The following TGM2 variants were observed in gnomAD, a reference collection of about 807,000 sequenced individuals.
The protein encoded by TGM2 is transglutaminase 2, also known as protein-glutamine gamma-glutamyltransferase 2.
A neutral mutation model predicts 75.6 loss-of-function variants in TGM2; 53 were observed. That is an observed-to-expected ratio of 0.70 (90% CI 0.56 to 0.88). The LOEUF is 0.88. Ranked by LOEUF, TGM2 falls within the 40% of genes least tolerant of loss-of-function variation. The pLI, the probability that TGM2 is intolerant of heterozygous loss-of-function variation, is 0.00. For missense variants in TGM2, 842 were observed against 928.5 expected (o/e 0.91, Z 1.21); for synonymous variants, 374 against 381.1 (o/e 0.98, Z 0.22).
rs1306158388 is a variant in TGM2 at position 38,130,087 on chromosome 20, C to T, written c.*132G>A. On this transcript the variant is annotated 3_prime_UTR_variant, in exon 13 of 13. Coordinates refer to ENST00000361475, the MANE Select transcript of TGM2 (RefSeq NM_004613.4). ...GATGGGCCAGGGGCACATTCCATTTCCGAGAGCCCCCATAGGCTGCCCACC... is the reference window on the plus strand; with the variant it reads ...GATGGGCCAGGGGCACATTCCATTTTCGAGAGCCCCCATAGGCTGCCCACC... 1.6e-6 allele frequency: 2 copies of T among 1,248,270 alleles called. No individual in the cohort carries two copies. The highest frequency in any genetic ancestry group is 2.2e-6 in the Non-Finnish European group (2 of 897,342). 77.3% of individuals were successfully genotyped at this position (1,248,270 alleles called of 1,614,324 possible). A position where few individuals can be genotyped will look rare whatever the true frequency, so the allele number is the denominator to read the frequency against.
chr20:38,156,251 TC>T (rs2075185998), intron 2 of TGM2, among the ~76,000 whole-genome samples, 162 bp from the exon 3 acceptor site: 1 of 152,236 alleles, frequency 6.6e-6, no homozygotes, highest in African/African-American at 2.4e-5. Flanking sequence ...AGTTTCCTCA[TC>T]TGTAAAGGGG....
At chr20:38,148,905 C>T (rs531477118) in intron 4 of TGM2, among the ~76,000 whole-genome samples, 3 of 152,316 alleles carry the variant, frequency 2.0e-5, no homozygotes, top group South Asian at 4.1e-4. Flanking sequence ...TCTGTCTGCT[C>T]TTTTCCCCCC....
At chr20:38,163,199 C>T (rs568102043) in intron 1 of TGM2, among the ~76,000 whole-genome samples, 18 of 152,226 alleles carry the variant, frequency 1.2e-4, no homozygotes, top group African/African-American at 4.3e-4. Context: ...TAAACCTTGG[C>T]AAGCTCAAGG....
At chr20:38,158,685 G>C (rs2075217136) in intron 2 of TGM2, among the ~76,000 whole-genome samples, 1 of 152,190 alleles carries the variant, frequency 6.6e-6, no homozygotes, top group African/African-American at 2.4e-5. Context: ...GTCTCAAACT[G>C]TCTGGGTGAA....
intron 6 of TGM2, chr20:38,146,448 G>A (rs45499198): frequency 0.15 from 81,131 of 547,004 alleles, 7,443 homozygotes; most frequent in East Asian, 0.37. Flanking sequence ...AAAATCCTGA[G>A]TTTTTGAGAA....
Position 38,130,377 on chromosome 20 carries a change from G to A in TGM2, c.1914-8C>T, listed in dbSNP as rs1384109748. 3.2e-6 allele frequency: 5 copies of A among 1,580,452 alleles called. No homozygotes were observed. The highest frequency in any genetic ancestry group is 2.3e-5 in the East Asian group (1 of 43,512). On this transcript the variant is annotated splice_region_variant and splice_polypyrimidine_tract_variant and intron_variant, in intron 12 of 12. Coordinates refer to ENST00000361475, the MANE Select transcript of TGM2 (RefSeq NM_004613.4). ...GCCTCCACGGGGTCTGGGCTGCAGG[G>A]AGAGAGGGGGTGGTGAGGAAAGGGG...
At position 38,142,071 on chromosome 20, in the gene TGM2, T is replaced by C. The variant is rs1369894417; in HGVS notation, c.988A>G (p.Met330Val). The C allele has an allele frequency of 6.2e-7, 1 of 1,613,980 alleles. No homozygotes were observed. Among genetic ancestry groups the C allele is most frequent in the African/African-American group, 1.3e-5 (1 of 74,900 alleles). The change falls in exon 7 of 13, where the codon ATG (methionine) becomes GTG (valine). Residue 330 changes from methionine to valine, a missense_variant. Physicochemically the swap from Met to Val is conservative, Grantham distance 21 (BLOSUM62 1). Transcript: ENST00000361475. ...FGEIQGDKSEMIWNFHCWVES... is the reference protein window; with the variant it reads ...FGEIQGDKSEVIWNFHCWVES... ...CCCTGGCCCCCACCTCACCAGATCA[T>C]CTCGCTCTTGTCACCCTGGATCTCC...
At chr20:38,155,189 G>A (rs1434944579) in intron 3 of TGM2, among the ~76,000 whole-genome samples, 1 of 152,142 alleles carries the variant, frequency 6.6e-6, no homozygotes, top group Non-Finnish European at 1.5e-5. Flanking sequence ...CTGGGCCTAG[G>A]CATCAGCTGG....
At chr20:38,164,705 AG>A (rs2075291946) in intron 1 of TGM2, among the ~76,000 whole-genome samples, 1 of 152,140 alleles carries the variant, frequency 6.6e-6, no homozygotes, top group Admixed American at 6.5e-5. Flanking sequence ...TGATTTCCGA[AG>A]GCTCCTGGAT....
In TGM2 at chr20:38,139,541, T is replaced by C. The variant is rs1338710125; in HGVS notation, c.1213A>G (p.Ile405Val). The C allele has an allele frequency of 6.2e-7, 1 of 1,614,024 alleles. No individual in the cohort carries two copies. The highest frequency in any genetic ancestry group is 8.5e-7 in the Non-Finnish European group (1 of 1,180,044). Reference sequence around the variant, plus strand: ...TGCACAGACCCATCGTCCTGCTGGATCCAGTCTACCACGTCGGCATTGACC... The same window carrying C: ...TGCACAGACCCATCGTCCTGCTGGACCCAGTCTACCACGTCGGCATTGACC... The part of the protein sequence containing the change: ...AEVNADVVDW[I>V]QQDDGSVHKS... Residue 405 changes from isoleucine to valine, a missense_variant, in exon 9 of 13, where the codon ATC becomes GTC. By Grantham distance (29) the Ile-to-Val change is conservative. Transcript: ENST00000361475.
chr20:38,164,438 G>A (rs959032751), intron 1 of TGM2, among the ~76,000 whole-genome samples: 2 of 152,150 alleles, frequency 1.3e-5, no homozygotes, highest in African/African-American at 4.8e-5. Context: ...TTGTGTGTGG[G>A]GAGGGAGTCA....
chr20:38,135,462 G>C (rs1351366910), intron 10 of TGM2, among the ~76,000 whole-genome samples: 1 of 144,106 alleles, frequency 6.9e-6, no homozygotes, highest in Non-Finnish European at 1.5e-5. Flanking sequence ...GGCTGGAAGG[G>C]CTCTTAAAAG....
intron 10 of TGM2, among the ~76,000 whole-genome samples, chr20:38,136,347 C>T (rs2074900347): frequency 6.6e-6 from 1 of 152,180 alleles, no homozygotes; most frequent in Non-Finnish European, 1.5e-5. Flanking sequence ...AGGAGAGGGA[C>T]GACCACTGGT....
Position 38,130,202 on chromosome 20 carries a change from C to T in TGM2, c.*17G>A, listed in dbSNP as rs1318226467. The stretch of plus-strand genomic sequence containing the variant: ...GATCAAGGTGGGGGCTCTCAGCAGG[C>T]TGGGAGCAGGGGTCCCTTAGGCGGG... On this transcript the variant is annotated 3_prime_UTR_variant, in exon 13 of 13. Transcript: ENST00000361475. 1 of 1,612,980 alleles carries T rather than the reference C, an allele frequency of 6.2e-7. No homozygotes were observed. The highest frequency in any genetic ancestry group is 8.5e-7 in the Non-Finnish European group (1 of 1,179,830).
At chr20:38,137,151 T>C (rs2074909969) in intron 10 of TGM2, among the ~76,000 whole-genome samples, 4 of 152,206 alleles carry the variant, frequency 2.6e-5, no homozygotes, top group African/African-American at 7.2e-5. Context: ...ACATAGCAGC[T>C]TCTGGCCACA....
At chr20:38,142,974 T>G (rs117952895) in intron 6 of TGM2, among the ~76,000 whole-genome samples, 39 of 152,360 alleles carry the variant, frequency 2.6e-4, no homozygotes, top group Non-Finnish European at 4.6e-4. Context: ...TCATTTGCAT[T>G]CATAGCACGG....
upstream of TGM2, among the ~76,000 whole-genome samples, chr20:38,168,113 CA>C (rs2075324314): frequency 1.3e-5 from 2 of 152,222 alleles, no homozygotes; most frequent in Admixed American, 1.3e-4. Flanking sequence ...GCCTGTCCCG[CA>C]CCCAGCCAGC....
Position 38,132,402 on chromosome 20 carries a change from T to A in TGM2, c.1714A>T (p.Ile572Phe). 2 of 1,614,158 alleles carry A rather than the reference T, an allele frequency of 1.2e-6. No homozygotes were observed. Among genetic ancestry groups the A allele is most frequent in the Admixed American group, 3.3e-5 (2 of 60,026 alleles). Reference protein sequence around the residue: ...KVRALLVEPVINSYLLAERDL... With the variant: ...KVRALLVEPVFNSYLLAERDL... ...CTCTCAGCCAGCAGGTAGCTGTTGATAACTGGCTCCACGAGGAGGGCCCGC... is the reference window on the plus strand; with the variant it reads ...CTCTCAGCCAGCAGGTAGCTGTTGAAAACTGGCTCCACGAGGAGGGCCCGC... Residue 572 changes from isoleucine to phenylalanine, a missense_variant, in exon 11 of 13, where the codon ATC becomes TTC. Ile to Phe is a conservative substitution (Grantham distance 21, BLOSUM62 0). Transcript: ENST00000361475.
chr20:38,134,515 C>G (rs911016812), intron 10 of TGM2, among the ~76,000 whole-genome samples: 11 of 152,214 alleles, frequency 7.2e-5, no homozygotes, highest in Admixed American at 5.9e-4. Context: ...TTGAAAGTCT[C>G]CGTCCACAAG....
Sources: gnomAD v4.1 joint callset for allele counts (sites outside exome capture counted in the v4.1 genomes callset) on GRCh38, gnomAD v4.1.1 for gene constraint, MANE v1.5 for transcripts, NCBI Gene and HGNC (gene_info 2026-07-23, HGNC 2026-07-21) for gene names.